PCDHA1: variants seen among roughly 807,000 people sequenced by gnomAD.
PCDHA1 encodes the protein protocadherin alpha 1, also known as protocadherin alpha-1.
Under a neutral mutation model 61.3 loss-of-function variants are expected in PCDHA1, and 42 were observed. The observed-to-expected ratio is 0.69, with a 90% confidence interval of 0.54 to 0.89. PCDHA1 has a LOEUF of 0.89. Ranked by LOEUF, PCDHA1 falls within the 40% of genes least tolerant of loss-of-function variation. The probability of loss-of-function intolerance (pLI) is 0.00; values close to 1 mark genes in which losing one functional copy is unlikely to be tolerated. For missense variants in PCDHA1, 1,256 were observed against 1,235.3 expected, an observed-to-expected ratio of 1.02 and a Z score of -0.25; for synonymous variants, 610 against 553.8, an observed-to-expected ratio of 1.10 and a Z score of -1.43.
chr5:140,816,790 CA>C (rs1437994135), intron 1 of PCDHA1: 3 of 151,774 alleles, frequency 2.0e-5, no homozygotes, highest in Non-Finnish European at 4.4e-5. Flanking sequence ...AGGGATCTGC[CA>C]GCTTTTTTTT....
In PCDHA1 at chr5:141,009,814, A is replaced by C. The variant is rs781835321; in HGVS notation, c.2730A>C (p.Lys910Asn). Residue 910 changes from lysine to asparagine, a missense_variant, in exon 4 of 4, where the codon AAA (lysine) becomes AAC (asparagine). By Grantham distance (94) the Lys-to-Asn change is moderately conservative. Coordinates refer to ENST00000504120, the MANE Select transcript of PCDHA1 (RefSeq NM_018900.4). ...RQEPTNSQID[K>N]SDFITFGKKE... ...AGCCTACTAACAGCCAAATTGACAA[A>C]AGTGACTTCATAACCTTCGGCAAAA... The C allele has an allele frequency of 6.2e-7, 1 of 1,614,124 alleles. No individual in the cohort carries two copies. The highest frequency in any genetic ancestry group is 8.5e-7 in the Non-Finnish European group (1 of 1,180,010).
Position 140,787,022 on chromosome 5 carries a change from G to A in PCDHA1, c.732G>A (p.Gln244=). 6.2e-7 allele frequency: 1 copy of A among 1,614,202 alleles called. No individual in the cohort carries two copies. Among genetic ancestry groups the A allele is most frequent in the Non-Finnish European group, 8.5e-7 (1 of 1,180,030 alleles). ...ATGATAACGCCCCACTGTTTGACCAGGCCGTATACAGAGTCCACTTGTTAG... is the reference window on the plus strand; with the variant it reads ...ATGATAACGCCCCACTGTTTGACCAAGCCGTATACAGAGTCCACTTGTTAG... The part of the protein sequence containing the change: ...DVNDNAPLFD[Q]AVYRVHLLET... Residue 244 remains glutamine (Q), a synonymous_variant, in exon 1 of 4, where the codon CAG becomes CAA. Coordinates refer to ENST00000504120, the MANE Select transcript of PCDHA1 (RefSeq NM_018900.4).
chr5:140,814,922 T>C (rs1554126639), intron 1 of PCDHA1: 1 of 152,220 alleles, frequency 6.6e-6, no homozygotes, highest in Non-Finnish European at 1.5e-5. Flanking sequence ...TGAATTGACC[T>C]TTTATCATTA....
chr5:140,860,441 A>T (rs1038700248), intron 1 of PCDHA1: 3 of 152,166 alleles, frequency 2.0e-5, no homozygotes, highest in African/African-American at 4.8e-5. Context: ...GATCTTTTTC[A>T]TATTAATTCA....
rs782166832 is a variant in PCDHA1, at chr5:140,882,300, C to G, written c.2394+93616C>G. 1.4e-5 allele frequency: 22 copies of G among 1,613,604 alleles called. No individual in the cohort carries two copies. The East Asian group carries it at 4.5e-4, about 33-fold the overall frequency. The stretch of plus-strand genomic sequence containing the variant: ...TCTTCCTGGCAAGGAGGCCCAAGAC[C>G]GCGGCAACTACTGCTCTGGCTTCTG... On this transcript the variant is annotated intron_variant, in intron 1 of 3. Coordinates refer to ENST00000504120, the MANE Select transcript of PCDHA1 (RefSeq NM_018900.4).
chr5:140,808,999 C>G (rs17844283), intron 1 of PCDHA1: 1 of 1,613,590 alleles, frequency 6.2e-7, no homozygotes, highest in African/African-American at 1.3e-5. Flanking sequence ...CGGGCTACAA[C>G]GCGTGGCTTT....
At chr5:140,842,578 G>T in intron 1 of PCDHA1, 2 of 1,515,278 alleles carry the variant, frequency 1.3e-6, no homozygotes, top group Non-Finnish European at 1.8e-6. Context: ...AGAGAGTGTC[G>T]GCCTATGAGT....
chr5:140,905,991 G>C (rs1377300111), intron 1 of PCDHA1, among the ~76,000 whole-genome samples: 1 of 152,156 alleles, frequency 6.6e-6, no homozygotes, highest in Non-Finnish European at 1.5e-5. Flanking sequence ...AAAGATGTAG[G>C]CTGGGAGGCT....
In PCDHA1 at chr5:140,829,466, G is replaced by A. The variant is rs2150168443; in HGVS notation, c.2394+40782G>A. 7 of 1,613,764 alleles carry A rather than the reference G, an allele frequency of 4.3e-6. No individual in the cohort carries two copies. The Admixed American group carries it at 5.0e-5, about 12-fold the overall frequency. ...CAATGCTCCGGCGTTCGCGCAGCCC[G>A]AGTACACAGTGTTCGTGAAGGAGAA... On this transcript the variant is annotated intron_variant, in intron 1 of 3. Transcript: ENST00000504120.
In PCDHA1 at chr5:140,982,506, C is replaced by T. The variant is rs139355257; in HGVS notation, c.2485C>T (p.Arg829Trp). The change falls in exon 3 of 4, where the codon CGG (arginine) becomes TGG (tryptophan). Residue 829 changes from arginine to tryptophan, a missense_variant. Arg to Trp is a moderately radical substitution (Grantham distance 101). Coordinates refer to ENST00000504120, the MANE Select transcript of PCDHA1 (RefSeq NM_018900.4). ...GCACCTAGAGGAGGCTGGCATTCTACGGGCTGGTCCAGGAGGGCCTGATCA... is the reference window on the plus strand; with the variant it reads ...GCACCTAGAGGAGGCTGGCATTCTATGGGCTGGTCCAGGAGGGCCTGATCA... The part of the protein sequence containing the change: ...SVHLEEAGIL[R>W]AGPGGPDQQW... The T allele has an allele frequency of 3.5e-5, 57 of 1,614,162 alleles. No individual in the cohort carries two copies. Among genetic ancestry groups the T allele is most frequent in the Middle Eastern group, 3.3e-4 (2 of 6,058 alleles).
intron 1 of PCDHA1, chr5:140,882,876 A>G (rs1554175925): frequency 6.2e-7 from 1 of 1,614,238 alleles, no homozygotes. Flanking sequence ...CTGGACAGAG[A>G]GGAAATTCAG....
chr5:140,904,584 A>T (rs1434719463), intron 1 of PCDHA1, among the ~76,000 whole-genome samples: 1 of 152,088 alleles, frequency 6.6e-6, no homozygotes, highest in African/African-American at 2.4e-5. Context: ...GACACCCAGT[A>T]GTGGGACTGC....
intron 1 of PCDHA1, chr5:140,871,269 G>A (rs782046462): frequency 1.2e-6 from 2 of 1,613,952 alleles, no homozygotes; most frequent in Non-Finnish European, 8.5e-7. Flanking sequence ...CGCTGTGGTG[G>A]TCGGCAACGC....
chr5:140,965,664 A>G (rs931573016), intron 1 of PCDHA1, among the ~76,000 whole-genome samples: 2 of 152,254 alleles, frequency 1.3e-5, no homozygotes, highest in Non-Finnish European at 2.9e-5. Flanking sequence ...GTCTTGGGTG[A>G]TAAATGTAAA....
chr5:140,875,179 A>G, intron 1 of PCDHA1: 1 of 444,474 alleles, frequency 2.2e-6, no homozygotes, highest in East Asian at 4.2e-5. Context: ...AAACATTAGA[A>G]TTAAGAGTGA....
intron 1 of PCDHA1, chr5:140,801,195 G>C (rs1562177358): frequency 1.3e-6 from 2 of 1,589,630 alleles, no homozygotes; most frequent in Non-Finnish European, 1.7e-6. Flanking sequence ...GAAAATACTT[G>C]CAATGTTGTT....
chr5:140,814,784 CG>C (rs1765588725), intron 1 of PCDHA1: 1 of 152,144 alleles, frequency 6.6e-6, no homozygotes, highest in African/African-American at 2.4e-5. Context: ...TTGGTTGAAA[CG>C]TTGTTATACA....
intron 1 of PCDHA1, chr5:140,853,873 G>T (rs1238273560): frequency 1.0e-6 from 1 of 983,500 alleles, no homozygotes; most frequent in Non-Finnish European, 1.2e-6. Context: ...GACAGTGCAA[G>T]TTTCTGTAAT....
chr5:140,914,785 C>G (rs2153531678), intron 1 of PCDHA1, among the ~76,000 whole-genome samples: 1 of 151,672 alleles, frequency 6.6e-6, no homozygotes, highest in Non-Finnish European at 1.5e-5. Context: ...ATCTTATGAC[C>G]CATTATTTTA....
Sources: allele counts gnomAD v4.1 joint callset (sites outside exome capture counted in the v4.1 genomes callset), GRCh38; gene constraint gnomAD v4.1.1; transcripts MANE v1.5; gene names NCBI Gene and HGNC (gene_info 2026-07-23, HGNC 2026-07-21).